The following B3GAT2 variants were observed in gnomAD, a reference collection of about 807,000 sequenced individuals.
B3GAT2 encodes beta-1,3-glucuronyltransferase 2.
Under a neutral mutation model 27.8 loss-of-function variants are expected in B3GAT2, and 26 were observed. That is an observed-to-expected ratio of 0.93 (90% CI 0.68 to 1.30). The LOEUF (loss-of-function observed/expected upper bound fraction) is 1.30, where lower values mean the gene tolerates loss of function less well. Among genes scored for constraint, B3GAT2 ranks in the 50% most tolerant of loss-of-function variants. B3GAT2 has a pLI of 0.00. For missense variants in B3GAT2, 458 were observed against 459.0 expected (o/e 1.00, Z 0.02); for synonymous variants, 218 against 195.1 (o/e 1.12, Z -0.98).
At chr6:70,907,017 T>C (rs1413621493) in intron 1 of B3GAT2, among the ~76,000 whole-genome samples, 1 of 152,146 alleles carries the variant, frequency 6.6e-6, no homozygotes, top group Non-Finnish European at 1.5e-5. Flanking sequence ...AACCACAAAC[T>C]TTACCATGAA....
At chr6:70,894,919 G>T (rs911896003) in intron 1 of B3GAT2, among the ~76,000 whole-genome samples, 1 of 152,166 alleles carries the variant, frequency 6.6e-6, no homozygotes, top group South Asian at 2.1e-4. Flanking sequence ...TAAACATGAC[G>T]CTCAACTGAA....
chr6:70,950,114 T>G (rs1392483194), intron 1 of B3GAT2, among the ~76,000 whole-genome samples: 1 of 151,446 alleles, frequency 6.6e-6, no homozygotes, highest in Non-Finnish European at 1.5e-5. Flanking sequence ...AAAAGACGAG[T>G]TAATGGGTGC....
At chr6:70,933,051 A>G (rs1374677009) in intron 1 of B3GAT2, among the ~76,000 whole-genome samples, 3 of 152,168 alleles carry the variant, frequency 2.0e-5, no homozygotes, top group African/African-American at 7.2e-5. Context: ...CTCCTGCCTG[A>G]GCCTCCCAAA....
chr6:70,936,114 T>C (rs1765276804), intron 1 of B3GAT2, among the ~76,000 whole-genome samples: 1 of 151,526 alleles, frequency 6.6e-6, no homozygotes, highest in African/African-American at 2.4e-5. Flanking sequence ...TAGTCTCTGA[T>C]AAAACAGACT....
chr6:70,914,773 C>G (rs187972193), intron 1 of B3GAT2, among the ~76,000 whole-genome samples: 11 of 151,648 alleles, frequency 7.3e-5, no homozygotes, highest in Admixed American at 3.9e-4. Flanking sequence ...TTTTTTTAAC[C>G]AGACATAGAA....
At chr6:70,882,104 G>T (rs1420824565) in intron 2 of B3GAT2, among the ~76,000 whole-genome samples, 1 of 152,184 alleles carries the variant, frequency 6.6e-6, no homozygotes, top group East Asian at 1.9e-4. Flanking sequence ...TAAAGCTAAA[G>T]AACTCAAACT....
Position 70,857,806 on chromosome 6 carries a change from T to A in B3GAT2, c.*3857A>T, listed in dbSNP as rs562775837. 36 of 1,174,548 alleles carry A rather than the reference T, an allele frequency of 3.1e-5. No individual in the cohort carries two copies. The African/African-American group carries it at 4.4e-4, about 14-fold the overall frequency. The allele number at this position is 1,174,548 out of a possible 1,614,324, so 72.8% of individuals were successfully genotyped here. A position where few individuals can be genotyped will look rare whatever the true frequency, so the allele number is the denominator to read the frequency against. On this transcript the variant is annotated 3_prime_UTR_variant, in exon 4 of 4. Coordinates refer to ENST00000230053, the MANE Select transcript of B3GAT2 (RefSeq NM_080742.3). ...GTCTGAGTAGTAGGAGCAGCCAAAC[T>A]GGAATTAAAATGTTTGCTGTGAGTA...
intron 2 of B3GAT2, among the ~76,000 whole-genome samples, chr6:70,870,911 C>T (rs954138624): frequency 2.6e-5 from 4 of 152,062 alleles, no homozygotes; most frequent in African/African-American, 7.2e-5. Context: ...ATGAAGTTCC[C>T]TCCTATTCCT....
intron 1 of B3GAT2, among the ~76,000 whole-genome samples, chr6:70,896,504 C>G (rs1449490504): frequency 6.6e-6 from 1 of 152,152 alleles, no homozygotes; most frequent in Non-Finnish European, 1.5e-5. Flanking sequence ...CCCAGCACCC[C>G]CAAAAATTTC....
At position 70,873,019 on chromosome 6, in the gene B3GAT2, C is replaced by A. The variant is rs549048324; in HGVS notation, c.737-11041G>T. 8.1e-4 allele frequency among the ~76,000 whole-genome samples: 123 copies of A among 152,146 alleles called. 1 individual carries two copies. The highest frequency in any genetic ancestry group is 2.9e-3 in the African/African-American group (122 of 41,560). ...TTGTCATAAAAATTATATCTTTATA[C>A]ATTTTGTGCTCCTCAAACCAGATTT... On this transcript the variant is annotated intron_variant, in intron 2 of 3. Coordinates refer to ENST00000230053, the MANE Select transcript of B3GAT2 (RefSeq NM_080742.3).
chr6:70,907,683 A>G (rs1464180507), intron 1 of B3GAT2, among the ~76,000 whole-genome samples: 1 of 152,192 alleles, frequency 6.6e-6, no homozygotes, highest in Non-Finnish European at 1.5e-5. Flanking sequence ...CCTTAAAAAC[A>G]ATCTATGTGA....
rs1374670378 is a variant in B3GAT2, at chr6:70,897,227, C to CA, written c.592-2956dup. ...AGTCAGTTCAAATCTTTCGCACATT[C>CA]AAAAAAAAAAAGGTTTTCTTACTAT... On this transcript the variant is annotated intron_variant, in intron 1 of 3. Coordinates refer to ENST00000230053, the MANE Select transcript of B3GAT2 (RefSeq NM_080742.3). 4.2e-3 allele frequency among the ~76,000 whole-genome samples: 569 copies of CA among 135,832 alleles called. 4 individuals carry two copies. Among genetic ancestry groups the CA allele is most frequent in the South Asian group, 0.02 (84 of 4,142 alleles). The allele number at this position is 135,832 out of a possible 152,430, so 89.1% of individuals were successfully genotyped here. A position where few individuals can be genotyped will look rare whatever the true frequency, so the allele number is the denominator to read the frequency against.
Position 70,861,080 on chromosome 6 carries a change from T to G in B3GAT2, c.*583A>C, listed in dbSNP as rs1771703187. 1 of 192,258 alleles carries G rather than the reference T, an allele frequency of 5.2e-6. No individual in the cohort carries two copies. The highest frequency in any genetic ancestry group is 2.3e-5 in the African/African-American group (1 of 43,262). The allele number at this position is 192,258 out of a possible 1,614,324, so 11.9% of individuals were successfully genotyped here. On this transcript the variant is annotated 3_prime_UTR_variant, in exon 4 of 4. Transcript: ENST00000230053. ...AATCTTCAATCCTTGAAGGTATATC[T>G]AGGTTTATGACAGTAATTGTGTTTA...
Position 70,954,916 on chromosome 6 carries a change from G to GGGGGC in B3GAT2, c.591+922_591+923insGCCCC, listed in dbSNP as rs1554218591. ...TAACCCTGTGCCTGCCGGGGGCGGC[G>GGGGGC]GGGGGGGGCGGTGCGCGCGTGGCCA... On this transcript the variant is annotated intron_variant, in intron 1 of 3. Coordinates refer to ENST00000230053, the MANE Select transcript of B3GAT2 (RefSeq NM_080742.3). Among the ~76,000 whole-genome samples the GGGGGC allele has an allele frequency of 8.1e-5, 6 of 73,966 alleles. 1 individual carries two copies. The highest frequency in any genetic ancestry group is 4.7e-4 in the Admixed American group (3 of 6,334). The allele number at this position is 73,966 out of a possible 152,430, so 48.5% of individuals were successfully genotyped here. A position where few individuals can be genotyped will look rare whatever the true frequency, so the allele number is the denominator to read the frequency against.
At chr6:70,950,489 G>A (rs1281258219) in intron 1 of B3GAT2, among the ~76,000 whole-genome samples, 1 of 152,126 alleles carries the variant, frequency 6.6e-6, no homozygotes, top group Non-Finnish European at 1.5e-5. Context: ...ATATTTTCAT[G>A]TGTTAAATGA....
Position 70,860,475 on chromosome 6 carries a change from T to G in B3GAT2, c.*1188A>C. On this transcript the variant is annotated 3_prime_UTR_variant, in exon 4 of 4. Transcript: ENST00000230053. ...TTAAGAATGATCTGATTGACCGTGT[T>G]GGTCTGTACTGATTCAATTTGATGT... 1 of 936,712 alleles carries G rather than the reference T, an allele frequency of 1.1e-6. No individual in the cohort carries two copies. The highest frequency in any genetic ancestry group is 1.5e-6 in the Non-Finnish European group (1 of 666,732). 58.0% of individuals were successfully genotyped at this position (936,712 alleles called of 1,614,324 possible).
intron 1 of B3GAT2, among the ~76,000 whole-genome samples, chr6:70,912,150 G>C (rs959505418): frequency 2.0e-5 from 3 of 152,012 alleles, no homozygotes; most frequent in African/African-American, 7.2e-5. Context: ...GCTCTGCCTA[G>C]GACTTCCAGT....
intron 1 of B3GAT2, among the ~76,000 whole-genome samples, chr6:70,902,896 G>T (rs1016115001): frequency 6.6e-6 from 1 of 151,968 alleles, no homozygotes; most frequent in Non-Finnish European, 1.5e-5. Flanking sequence ...CAGGGAGTGA[G>T]GGGTGGCAGG....
At chr6:70,948,914 C>T (rs1022864985) in intron 1 of B3GAT2, among the ~76,000 whole-genome samples, 5 of 152,048 alleles carry the variant, frequency 3.3e-5, no homozygotes, top group Non-Finnish European at 5.9e-5. Flanking sequence ...TGCATATCTA[C>T]AACTATCTGA....
Sources: gnomAD v4.1 joint callset for allele counts (sites outside exome capture counted in the v4.1 genomes callset) on GRCh38, gnomAD v4.1.1 for gene constraint, MANE v1.5 for transcripts, NCBI Gene and HGNC (gene_info 2026-07-23, HGNC 2026-07-21) for gene names.